The following FCMR variants were observed in gnomAD, a reference collection of about 807,000 sequenced individuals.
The protein encoded by FCMR is immunoglobulin mu Fc receptor.
Under a neutral mutation model 41.6 loss-of-function variants are expected in FCMR, and 34 were observed. That is an observed-to-expected ratio of 0.82 (90% confidence interval 0.62 to 1.09). The LOEUF is 1.09. Ranked by LOEUF, FCMR falls within the 50% of genes least tolerant of loss-of-function variation. The probability of loss-of-function intolerance (pLI) is 0.00; values close to 1 mark genes in which losing one functional copy is unlikely to be tolerated. For synonymous variants in FCMR, 209 were observed against 211.8 expected (o/e 0.99, Z 0.12); for missense variants, 496 against 512.5 (o/e 0.97, Z 0.31).
chr1:206,913,951 C>T lies in FCMR; in HGVS notation c.181G>A (p.Val61Met), dbSNP rs981290107. Reference sequence around the variant, plus strand: ...TTGATGAAGTTGGTGGTGGATACCACGGTACCACATGTTCCAGATCCAGCC... The same window carrying T: ...TTGATGAAGTTGGTGGTGGATACCATGGTACCACATGTTCCAGATCCAGCC... ...EMAGSGTCGT[V>M]VSTTNFIKAE... is the part of the protein sequence containing the mutation. The change falls in exon 2 of 8, where the codon GTG becomes ATG. Residue 61 changes from valine (V) to methionine (M), a missense_variant. Physicochemically the swap from Val to Met is conservative, Grantham distance 21 (BLOSUM62 1). Transcript: ENST00000367091. 5.4e-5 allele frequency: 87 copies of T among 1,614,082 alleles called. No individual in the cohort carries two copies. The highest frequency in any genetic ancestry group is 7.0e-5 in the Non-Finnish European group (83 of 1,180,024).
rs1341911429 is a variant in FCMR at position 206,907,103 on chromosome 1, T to G, written c.1045-1956A>C. Among the ~76,000 whole-genome samples, 252 of 43,312 alleles carry G rather than the reference T, an allele frequency of 5.8e-3. 1 individual carries two copies. Among genetic ancestry groups the G allele is most frequent in the South Asian group, 6.6e-3 (5 of 758 alleles). The allele number at this position is 43,312 out of a possible 152,430, so 28.4% of individuals were successfully genotyped here. ...GCCGGGGGGTGGGGGGGTGGGGGGG[T>G]GGGGGGGGGGTGGGGGCGGGGTGGG... On this transcript the variant is annotated intron_variant, in intron 7 of 7. Coordinates refer to ENST00000367091, the MANE Select transcript of FCMR (RefSeq NM_005449.5).
At position 206,911,818 on chromosome 1, in the gene FCMR, T is replaced by A; in HGVS notation, c.622A>T (p.Thr208Ser). 1.2e-6 allele frequency: 2 copies of A among 1,612,358 alleles called. No individual in the cohort carries two copies. Among genetic ancestry groups the A allele is most frequent in the Non-Finnish European group, 1.7e-6 (2 of 1,179,342 alleles). ...GDKPRTFLPS[T>S]TASKISALEG... The stretch of plus-strand genomic sequence containing the variant: ...AGAGCTGAGATTTTTGAGGCTGTAG[T>A]GGATGGCAGGAAGGTTCGGGGCTTG... The change falls in exon 4 of 8, where the codon ACT becomes TCT. Residue 208 changes from threonine (T) to serine (S), a missense_variant. Physicochemically the swap from Thr to Ser is moderately conservative, Grantham distance 58. Transcript: ENST00000367091.
At chr1:206,914,391 T>C (rs1679095923) in intron 1 of FCMR, among the ~76,000 whole-genome samples, 1 of 149,148 alleles carries the variant, frequency 6.7e-6, no homozygotes, top group African/African-American at 2.5e-5. Flanking sequence ...CCTTCCTCTC[T>C]CTTTTCTCTT....
rs181541279 is a variant in FCMR, at chr1:206,906,218, C to T, written c.1045-1071G>A. 4.9e-5 allele frequency: 22 copies of T among 451,420 alleles called. No individual in the cohort carries two copies. The East Asian group carries it at 1.3e-3, about 27-fold the overall frequency. 28.0% of individuals were successfully genotyped at this position (451,420 alleles called of 1,614,324 possible). A position where few individuals can be genotyped will look rare whatever the true frequency, so the allele number is the denominator to read the frequency against. On this transcript the variant is annotated intron_variant, in intron 7 of 7. Transcript: ENST00000367091. ...AACCAGCACATAACAATAGGAGAAA[C>T]GATACACAAAGTTGGAGGTGACACA...
chr1:206,921,940 C>G lies in FCMR; in HGVS notation c.-86G>C. ...TGCTTACTCAGGAACCCTTCACAAT[C>G]TGGAACTGGAAAGAGATTTCTAGCC... On this transcript the variant is annotated 5_prime_UTR_variant, in exon 1 of 8. Coordinates refer to ENST00000367091, the MANE Select transcript of FCMR (RefSeq NM_005449.5). 2.5e-6 allele frequency: 3 copies of G among 1,222,550 alleles called. No individual in the cohort carries two copies. The South Asian group carries it at 3.7e-5, about 15-fold the overall frequency. The allele number at this position is 1,222,550 out of a possible 1,614,324, so 75.7% of individuals were successfully genotyped here.
At chr1:206,916,386 C>G (rs1679192247) in intron 1 of FCMR, among the ~76,000 whole-genome samples, 2 of 152,336 alleles carry the variant, frequency 1.3e-5, no homozygotes, top group South Asian at 2.1e-4. Context: ...GTGAATGCCA[C>G]TTTCCCAAGA....
At chr1:206,912,858 A>G (rs1161616167) in intron 3 of FCMR, 71 bp downstream of exon 3, 1 of 1,046,740 alleles carries the variant, frequency 9.6e-7, no homozygotes, top group Non-Finnish European at 1.5e-6. Context: ...CTGAACATAG[A>G]CCCCCTCCTC....
chr1:206,911,753 G>A lies in FCMR; in HGVS notation c.687C>T (p.His229=). Reference sequence around the variant, plus strand: ...ACCTCTGCCTGTGCAGCCTGGTGTGGTGGTTGTAGCTGGGCGTCTGGGGCT... The same window carrying A: ...ACCTCTGCCTGTGCAGCCTGGTGTGATGGTTGTAGCTGGGCGTCTGGGGCT... The part of the protein sequence containing the change: ...LLKPQTPSYN[H]HTRLHRQRAL... Residue 229 remains histidine, a synonymous_variant, in exon 4 of 8, where the codon CAC becomes CAT. Coordinates refer to ENST00000367091, the MANE Select transcript of FCMR (RefSeq NM_005449.5). 1 of 1,611,128 alleles carries A rather than the reference G, an allele frequency of 6.2e-7. No individual in the cohort carries two copies. Among genetic ancestry groups the A allele is most frequent in the Non-Finnish European group, 8.5e-7 (1 of 1,179,314 alleles).
chr1:206,910,228 C>T lies in FCMR; in HGVS notation c.823G>A (p.Ala275Thr), dbSNP rs1345479032. Residue 275 changes from alanine to threonine, a missense_variant, in exon 5 of 8, where the codon GCC becomes ACC. By Grantham distance (58) the Ala-to-Thr change is moderately conservative (BLOSUM62 0). Coordinates refer to ENST00000367091, the MANE Select transcript of FCMR (RefSeq NM_005449.5). ...LALLGLVVKR[A>T]VERRKALSRR... ...CGCTCACCTTTCCTCCTTTCAACGG[C>T]CCTTTTCACCACCAGCCCCAGAAGT... 1.2e-6 allele frequency: 2 copies of T among 1,602,856 alleles called. No homozygotes were observed. The highest frequency in any genetic ancestry group is 2.3e-5 in the East Asian group (1 of 44,436).
intron 7 of FCMR, among the ~76,000 whole-genome samples, chr1:206,907,231 G>A (rs1167466192): frequency 6.6e-6 from 1 of 151,956 alleles, no homozygotes; most frequent in Non-Finnish European, 1.5e-5. Context: ...TGCCTTGAAG[G>A]GAGGTTCACT....
chr1:206,919,871 C>T (rs1432529657), intron 1 of FCMR, among the ~76,000 whole-genome samples: 1 of 152,214 alleles, frequency 6.6e-6, no homozygotes, highest in Non-Finnish European at 1.5e-5. Flanking sequence ...TGTCCTACTA[C>T]CTCTCACAGT....
intron 7 of FCMR, chr1:206,907,840 G>C (rs1170801104): frequency 7.1e-7 from 1 of 1,408,706 alleles, no homozygotes. Flanking sequence ...ACCACTTCCC[G>C]GCCCCCAGCC....
chr1:206,905,250 G>C (rs1678576980), intron 7 of FCMR, 103 bp from the exon 8 acceptor site: 8 of 1,344,740 alleles, frequency 5.9e-6, no homozygotes, highest in Non-Finnish European at 8.3e-6. Context: ...CATGGCTGCT[G>C]AGTTCCAGAA....
At chr1:206,919,195 C>T (rs946159268) in intron 1 of FCMR, among the ~76,000 whole-genome samples, 3 of 152,112 alleles carry the variant, frequency 2.0e-5, no homozygotes, top group Admixed American at 1.3e-4. Flanking sequence ...CCATGGCCAC[C>T]TTTTATAGGC....
chr1:206,911,201 T>C (rs1572622719), intron 4 of FCMR, among the ~76,000 whole-genome samples: 1 of 152,004 alleles, frequency 6.6e-6, no homozygotes, highest in South Asian at 2.1e-4. Flanking sequence ...ATCACCTTTG[T>C]CTTTGCTTAT....
rs1372585719 is a variant in FCMR, at chr1:206,910,152, T to A, written c.841+58A>T. ...CCCATGGAAGTTCAAAAGGGGGTTC[T>A]GAACGCTGTGGGCTCTTTGGGCAGC... On this transcript the variant is annotated intron_variant, in intron 5 of 7. Transcript: ENST00000367091. The A allele has an allele frequency of 4.7e-6, 7 of 1,486,488 alleles. No homozygotes were observed. In the Admixed American group the frequency reaches 9.8e-5, roughly 21 times the overall value. The allele number at this position is 1,486,488 out of a possible 1,614,324, so 92.1% of individuals were successfully genotyped here.
intron 3 of FCMR, among the ~76,000 whole-genome samples, chr1:206,912,414 A>G (rs1678981715): frequency 6.6e-6 from 1 of 152,248 alleles, no homozygotes; most frequent in South Asian, 2.1e-4. Context: ...ATATGGGATA[A>G]TATGATGGAA....
chr1:206,920,212 T>C (rs1679372855), intron 1 of FCMR, among the ~76,000 whole-genome samples: 1 of 152,042 alleles, frequency 6.6e-6, no homozygotes, highest in African/African-American at 2.4e-5. Flanking sequence ...CCCAGCACTT[T>C]GGGAGGCCGA....
rs972028480 is a variant in FCMR at position 206,911,610 on chromosome 1, A to G, written c.710+120T>C. 4 of 868,402 alleles carry G rather than the reference A, an allele frequency of 4.6e-6. No individual in the cohort carries two copies. In the African/African-American group the frequency reaches 6.8e-5, roughly 15 times the overall value. The allele number at this position is 868,402 out of a possible 1,614,324, so 53.8% of individuals were successfully genotyped here. On this transcript the variant is annotated intron_variant, in intron 4 of 7. Transcript: ENST00000367091. Reference sequence around the variant, plus strand: ...TTAATGAGCTATACTCATAGGTGGTATATTTCACAGTGGCCTAGAGACAAA... The same window carrying G: ...TTAATGAGCTATACTCATAGGTGGTGTATTTCACAGTGGCCTAGAGACAAA...
Sources: gnomAD v4.1 joint callset for allele counts (sites outside exome capture counted in the v4.1 genomes callset) on GRCh38, gnomAD v4.1.1 for gene constraint, MANE v1.5 for transcripts, NCBI Gene and HGNC (gene_info 2026-07-23, HGNC 2026-07-21) for gene names.